The following ZMYND12 variants were observed in gnomAD, a reference collection of about 807,000 sequenced individuals.
The protein encoded by ZMYND12 is zinc finger MYND domain-containing protein 12.
In ZMYND12, 32 loss-of-function variants were observed where a neutral mutation model predicts 41.7. That is an observed-to-expected ratio of 0.77 (90% CI 0.58 to 1.03). The LOEUF (loss-of-function observed/expected upper bound fraction) is 1.03, where lower values mean the gene tolerates loss of function less well. Ranked by LOEUF, ZMYND12 falls within the 50% of genes least tolerant of loss-of-function variation. ZMYND12 has a pLI of 0.00. For missense variants in ZMYND12, 424 were observed against 438.5 expected, an observed-to-expected ratio of 0.97 and a Z score of 0.30; for synonymous variants, 148 against 164.8, an observed-to-expected ratio of 0.90 and a Z score of 0.78.
At chr1:42,447,139 A>G (rs925593708) in intron 3 of ZMYND12, among the ~76,000 whole-genome samples, 1 of 152,248 alleles carries the variant, frequency 6.6e-6, no homozygotes, top group African/African-American at 2.4e-5. Context: ...CAGAAGGGTG[A>G]AAGAGTAACA....
At chr1:42,448,379 A>C (rs1196711379) in intron 3 of ZMYND12, 88 bp downstream of exon 3, 1 of 1,369,428 alleles carries the variant, frequency 7.3e-7, no homozygotes, top group Non-Finnish European at 9.6e-7. Flanking sequence ...TCTTGGTGCC[A>C]CTGTCAAGGG....
In ZMYND12 at chr1:42,448,629, T is replaced by A. The variant is rs761725381; in HGVS notation, c.262A>T (p.Ile88Phe). 1.2e-6 allele frequency: 2 copies of A among 1,609,134 alleles called. No individual in the cohort carries two copies. The highest frequency in any genetic ancestry group is 2.2e-5 in the South Asian group (2 of 90,300). ...TGGGCTATGGTGTAGCAGAATTCAA[T>A]CAAATACTTCTGTGGAAGAGAGAAA... is the stretch of plus-strand genomic sequence containing the variant. ...QQLQQRQKYL[I>F]EFCYTIAQKY... Residue 88 changes from isoleucine (I) to phenylalanine (F), a missense_variant, in exon 3 of 8, where the codon ATT becomes TTT. Coordinates refer to ENST00000372565, the MANE Select transcript of ZMYND12 (RefSeq NM_032257.5).
intron 4 of ZMYND12, among the ~76,000 whole-genome samples, chr1:42,439,332 C>A (rs112122008): frequency 0.015 from 2,297 of 150,680 alleles, 61 homozygotes; most frequent in African/African-American, 0.054. Flanking sequence ...GTGGCGCGAT[C>A]TCGGCTCACT....
At chr1:42,431,530 A>C (rs1215917189) in intron 7 of ZMYND12, among the ~76,000 whole-genome samples, 1 of 152,208 alleles carries the variant, frequency 6.6e-6, no homozygotes, top group African/African-American at 2.4e-5. Context: ...AGAGCAGGGA[A>C]CGCTTCACTG....
chr1:42,450,010 A>C lies in ZMYND12; in HGVS notation c.160T>G (p.Cys54Gly). The C allele has an allele frequency of 6.2e-7, 1 of 1,614,030 alleles. No individual in the cohort carries two copies. Among genetic ancestry groups the C allele is most frequent in the Non-Finnish European group, 8.5e-7 (1 of 1,180,042 alleles). The change falls in exon 2 of 8, where the codon TGT becomes GGT. Residue 54 changes from cysteine to glycine, a missense_variant. By Grantham distance (159) the Cys-to-Gly change is radical (BLOSUM62 -3). Coordinates refer to ENST00000372565, the MANE Select transcript of ZMYND12 (RefSeq NM_032257.5). ...ADWDSIHEKI[C>G]QLLIPLRTSM... ...GTGCGCAGTGGAATCAAGAGCTGAC[A>C]TATTTTCTCATGGATGCTGTCCCAG...
rs140994753 is a variant in ZMYND12, at chr1:42,452,121, C to T, written c.111-2062G>A. ...ATTCATTCTACAATTCACCACTGAT[C>T]CTATAGCTTCCTATTATTGAATACC... On this transcript the variant is annotated intron_variant, in intron 1 of 7. Transcript: ENST00000372565. 7.4e-3 allele frequency among the ~76,000 whole-genome samples: 1,119 copies of T among 152,212 alleles called. 17 individuals carry two copies. Among genetic ancestry groups the T allele is most frequent in the African/African-American group, 0.026 (1,076 of 41,534 alleles).
In ZMYND12 at chr1:42,448,081, AG is replaced by A. The variant is rs529106668; in HGVS notation, c.424+385del. On this transcript the variant is annotated intron_variant, in intron 3 of 7. Transcript: ENST00000372565. ...GGTAGCTGTCTTCTACAGTGAGCATAGGGTAGACAAATCTGGTCTGCAGAGA... is the reference window on the plus strand; with the variant it reads ...GGTAGCTGTCTTCTACAGTGAGCATAGGTAGACAAATCTGGTCTGCAGAGA... Among the ~76,000 whole-genome samples the A allele has an allele frequency of 2.0e-5, 3 of 152,304 alleles. No individual in the cohort carries two copies. The East Asian group carries it at 5.8e-4, about 29-fold the overall frequency.
chr1:42,438,870 A>G (rs545727590), intron 4 of ZMYND12, among the ~76,000 whole-genome samples: 1 of 152,290 alleles, frequency 6.6e-6, no homozygotes, highest in East Asian at 1.9e-4. Flanking sequence ...GCTAACTCAG[A>G]TTTCACGCCC....
At chr1:42,432,976 G>T in intron 7 of ZMYND12, 167 bp downstream of exon 7, 1 of 767,070 alleles carries the variant, frequency 1.3e-6, no homozygotes, top group Non-Finnish European at 2.1e-6. Flanking sequence ...CCATTATGCA[G>T]GCTAGACTCA....
chr1:42,442,109 G>A lies in ZMYND12; in HGVS notation c.425-2084C>T, dbSNP rs1260438988. Among the ~76,000 whole-genome samples, 6 of 148,670 alleles carry A rather than the reference G, an allele frequency of 4.0e-5. No homozygotes were observed. The East Asian group carries it at 1.2e-3, about 29-fold the overall frequency. ...GAAAATGAGGCTATGGTGGTAGGCAGGGGGCAGGTCATGGAGGGCTTAGTG... is the reference window on the plus strand; with the variant it reads ...GAAAATGAGGCTATGGTGGTAGGCAAGGGGCAGGTCATGGAGGGCTTAGTG... On this transcript the variant is annotated intron_variant, in intron 3 of 7. Transcript: ENST00000372565.
At chr1:42,446,512 C>A (rs982443557) in intron 3 of ZMYND12, among the ~76,000 whole-genome samples, 1 of 151,848 alleles carries the variant, frequency 6.6e-6, no homozygotes, top group African/African-American at 2.4e-5. Flanking sequence ...ATGAGCCAGG[C>A]GTGGTGGCAC....
At chr1:42,432,140 T>C (rs1424600075) in intron 7 of ZMYND12, among the ~76,000 whole-genome samples, 2 of 149,720 alleles carry the variant, frequency 1.3e-5, no homozygotes, top group African/African-American at 4.9e-5. Flanking sequence ...CACTGCAGCC[T>C]CAATCTCCTG....
At chr1:42,441,046 T>C (rs1642962339) in intron 3 of ZMYND12, among the ~76,000 whole-genome samples, 1 of 152,224 alleles carries the variant, frequency 6.6e-6, no homozygotes, top group African/African-American at 2.4e-5. Context: ...GCATATTTAA[T>C]ACCCTTTCTG....
chr1:42,437,994 A>G (rs1261146667), intron 4 of ZMYND12, among the ~76,000 whole-genome samples: 1 of 151,572 alleles, frequency 6.6e-6, no homozygotes, highest in Non-Finnish European at 1.5e-5. Flanking sequence ...TATTTTTCAT[A>G]GAGACGGGGT....
chr1:42,440,614 A>G (rs1350530347), intron 3 of ZMYND12, among the ~76,000 whole-genome samples: 1 of 152,084 alleles, frequency 6.6e-6, no homozygotes, highest in African/African-American at 2.4e-5. Context: ...GATCATGGTG[A>G]TTGTTGCACA....
Position 42,440,026 on chromosome 1 carries a change from C to T in ZMYND12, c.425-1G>A. 1.3e-6 allele frequency: 2 copies of T among 1,595,184 alleles called. No homozygotes were observed. The highest frequency in any genetic ancestry group is 1.7e-6 in the Non-Finnish European group (2 of 1,173,902). The stretch of plus-strand genomic sequence containing the variant: ...TCAGCCTGAACGATTCGGCCCAGAC[C>T]TGCCCAAAAGCAGAAAAGAAGGTTA... On this transcript the variant is annotated splice_acceptor_variant, in intron 3 of 7. Transcript: ENST00000372565. LOFTEE classifies it high-confidence loss of function.
At position 42,449,852 on chromosome 1, in the gene ZMYND12, C is replaced by T. The variant is rs574130112; in HGVS notation, c.252+66G>A. The T allele has an allele frequency of 7.4e-4, 1,165 of 1,584,842 alleles. 9 individuals are homozygous for T. The Middle Eastern group carries it at 7.4e-3, about 10-fold the overall frequency. ...ACAATTTAGTGATCCCAACACAGTT[C>T]GAGCCTTGTCTTGGGCAGCTTCACC... On this transcript the variant is annotated intron_variant, in intron 2 of 7. Transcript: ENST00000372565.
At chr1:42,431,380 A>G (rs1642848028) in intron 7 of ZMYND12, among the ~76,000 whole-genome samples, 1 of 152,144 alleles carries the variant, frequency 6.6e-6, no homozygotes, top group African/African-American at 2.4e-5. Context: ...ACAGTGTAGT[A>G]GGGGAGAAAG....
intron 1 of ZMYND12, among the ~76,000 whole-genome samples, chr1:42,452,960 A>G (rs1569577820): frequency 6.6e-6 from 1 of 152,048 alleles, no homozygotes. Context: ...ATGAATTGCA[A>G]TTATAATCAG....
Sources: allele counts gnomAD v4.1 joint callset (sites outside exome capture counted in the v4.1 genomes callset), GRCh38; gene constraint gnomAD v4.1.1; transcripts MANE v1.5; gene names NCBI Gene and HGNC (gene_info 2026-07-23, HGNC 2026-07-21).